COL22A1: variants seen among roughly 807,000 people sequenced by gnomAD.
COL22A1 encodes the protein collagen alpha-1(XXII) chain.
Under a neutral mutation model 248.9 loss-of-function variants are expected in COL22A1, and 221 were observed. That is an observed-to-expected ratio of 0.89 (90% CI 0.80 to 0.99). The LOEUF (loss-of-function observed/expected upper bound fraction) is 0.99. Ranked by LOEUF, COL22A1 falls within the 50% of genes least tolerant of loss-of-function variation. The pLI is 0.00. For missense variants in COL22A1, 2,240 were observed against 2,179.0 expected (o/e 1.03, Z -0.56); for synonymous variants, 891 against 793.4 (o/e 1.12, Z -2.07).
At chr8:138,825,824 G>A (rs190819938) in intron 6 of COL22A1, 25 of 152,210 alleles carry the variant, frequency 1.6e-4, no homozygotes, top group Non-Finnish European at 3.7e-4. Context: ...TTTACTAGGA[G>A]AGGAGAAAGA....
chr8:138,742,277 G>A (rs1039013615), intron 22 of COL22A1, among the ~76,000 whole-genome samples: 1 of 151,184 alleles, frequency 6.6e-6, no homozygotes, highest in Non-Finnish European at 1.5e-5. Flanking sequence ...GATGGTGATG[G>A]AGTTGATGGT....
chr8:138,750,757 C>T (rs17676060), intron 22 of COL22A1, among the ~76,000 whole-genome samples: 18,897 of 152,168 alleles, frequency 0.12, 1,285 homozygotes, highest in Non-Finnish European at 0.16. Flanking sequence ...ACAAGCTTAA[C>T]GGTTACAGTT....
chr8:138,656,291 C>T (rs904535084), intron 44 of COL22A1, among the ~76,000 whole-genome samples: 32 of 152,124 alleles, frequency 2.1e-4, no homozygotes, highest in African/African-American at 7.2e-4. Flanking sequence ...GGAGGCAAAG[C>T]GGCAAACTGT....
chr8:138,632,357 T>C (rs1386230251), intron 49 of COL22A1, among the ~76,000 whole-genome samples: 6 of 152,142 alleles, frequency 3.9e-5, no homozygotes, highest in African/African-American at 1.4e-4. Context: ...ACATGGGTTG[T>C]TGAGAAAATG....
chr8:138,811,278 C>T (rs76480035), intron 9 of COL22A1, among the ~76,000 whole-genome samples: 100,102 of 146,202 alleles, frequency 0.68, 34,590 homozygotes, highest in Non-Finnish European at 0.76. Context: ...TATATACACA[C>T]ACACACACAC....
chr8:138,735,715 G>A (rs141561109), intron 23 of COL22A1, among the ~76,000 whole-genome samples: 3 of 152,172 alleles, frequency 2.0e-5, no homozygotes, highest in African/African-American at 4.8e-5. Flanking sequence ...ATGATGGATC[G>A]TATATTCTTA....
chr8:138,702,942 C>T lies in COL22A1; in HGVS notation c.2559+364G>A, dbSNP rs184782729. On this transcript the variant is annotated intron_variant, in intron 31 of 64. Transcript: ENST00000303045. ...CCAACTCACCATGCCCACCCTAACA[C>T]GTATAGAGGGCCAATGAATGAAGCC... Among the ~76,000 whole-genome samples the T allele has an allele frequency of 9.2e-5, 14 of 152,260 alleles. No individual in the cohort carries two copies. The South Asian group carries it at 1.2e-3, about 14-fold the overall frequency.
intron 21 of COL22A1, 149 bp from the exon 22 acceptor site, chr8:138,751,660 C>G: frequency 1.9e-6 from 1 of 523,432 alleles, no homozygotes; most frequent in Non-Finnish European, 3.4e-6. Context: ...CCCATTCTCT[C>G]AAACCTATAA....
intron 2 of COL22A1, among the ~76,000 whole-genome samples, chr8:138,880,040 A>G (rs139618571): frequency 6.6e-6 from 1 of 152,306 alleles, no homozygotes; most frequent in East Asian, 1.9e-4. Context: ...CCAATTCCAA[A>G]CTTAGTGATT....
chr8:138,703,231 G>A (rs1828110660), intron 31 of COL22A1, 75 bp downstream of exon 31: 2 of 1,281,466 alleles, frequency 1.6e-6, no homozygotes, highest in African/African-American at 1.5e-5. Context: ...CTAAGTAGTG[G>A]CAGTTGCTGG....
chr8:138,711,967 T>C (rs1185551029), intron 30 of COL22A1, among the ~76,000 whole-genome samples: 1 of 152,184 alleles, frequency 6.6e-6, no homozygotes, highest in African/African-American at 2.4e-5. Context: ...CACAAGCAAC[T>C]TAGCTTTTCT....
In COL22A1 at chr8:138,833,135, T is replaced by A. The variant is rs1563823400; in HGVS notation, c.749A>T (p.Asp250Val). ...CAAGATTTCCTTCACACTGAACAAATCCATCAGGTCAAAACCTGTACAAAG... is the reference window on the plus strand; with the variant it reads ...CAAGATTTCCTTCACACTGAACAAAACCATCAGGTCAAAACCTGTACAAAG... Reference protein sequence around the residue: ...TKEITGFDLMDLFSVKEILGK... With the variant: ...TKEITGFDLMVLFSVKEILGK... Residue 250 changes from aspartate to valine, a missense_variant, in exon 5 of 65, where the codon GAT becomes GTT. Physicochemically the swap from Asp to Val is radical, Grantham distance 152. Coordinates refer to ENST00000303045, the MANE Select transcript of COL22A1 (RefSeq NM_152888.3). 6.2e-7 allele frequency: 1 copy of A among 1,612,228 alleles called. No homozygotes were observed. Among genetic ancestry groups the A allele is most frequent in the Non-Finnish European group, 8.5e-7 (1 of 1,178,276 alleles).
At chr8:138,689,140 C>G (rs1281600745) in intron 36 of COL22A1, among the ~76,000 whole-genome samples, 170 bp from the exon 37 acceptor site, 1 of 141,792 alleles carries the variant, frequency 7.1e-6, no homozygotes. Flanking sequence ...TCCTCCCTGC[C>G]CATGACTGCT....
chr8:138,778,636 C>T (rs1814691617), intron 14 of COL22A1, among the ~76,000 whole-genome samples: 1 of 152,216 alleles, frequency 6.6e-6, no homozygotes, highest in South Asian at 2.1e-4. Flanking sequence ...CCCTGATTCA[C>T]ACCCAGATTC....
chr8:138,872,304 C>T (rs528640480), intron 3 of COL22A1, among the ~76,000 whole-genome samples: 1 of 152,160 alleles, frequency 6.6e-6, no homozygotes, highest in Non-Finnish European at 1.5e-5. Context: ...GGGATGACCA[C>T]ACATCCGGAG....
intron 16 of COL22A1, among the ~76,000 whole-genome samples, chr8:138,774,235 C>T (rs1814169797): frequency 6.6e-6 from 1 of 152,098 alleles, no homozygotes; most frequent in Non-Finnish European, 1.5e-5. Flanking sequence ...GGGAACGAGG[C>T]CAGTCCCCGC....
At position 138,688,937 on chromosome 8, in the gene COL22A1, C is replaced by A; in HGVS notation, c.2842G>T (p.Asp948Tyr). ...CTTACCTTCTCACCACGCTCCCCATCTTTCCCTGGGGTGCCTCTGAGGCCG... is the reference window on the plus strand; with the variant it reads ...CTTACCTTCTCACCACGCTCCCCATATTTCCCTGGGGTGCCTCTGAGGCCG... ...APGLRGTPGKDGERGEKGAAG... is the reference protein window; with the variant it reads ...APGLRGTPGKYGERGEKGAAG... Residue 948 changes from aspartate (D) to tyrosine (Y), a missense_variant, in exon 37 of 65, where the codon GAT (aspartate) becomes TAT (tyrosine). Coordinates refer to ENST00000303045, the MANE Select transcript of COL22A1 (RefSeq NM_152888.3). 6.2e-7 allele frequency: 1 copy of A among 1,613,558 alleles called. No homozygotes were observed. Among genetic ancestry groups the A allele is most frequent in the Non-Finnish European group, 8.5e-7 (1 of 1,179,502 alleles).
intron 3 of COL22A1, among the ~76,000 whole-genome samples, chr8:138,874,307 C>T (rs1293711440): frequency 6.6e-6 from 1 of 152,126 alleles, no homozygotes; most frequent in Non-Finnish European, 1.5e-5. Flanking sequence ...CTTTTCTTGA[C>T]GTGATCAGGG....
chr8:138,607,920 G>A lies in COL22A1; in HGVS notation c.4032+16C>T, dbSNP rs776535309. Reference sequence around the variant, plus strand: ...CCCACCCTGATGCCATCACATAGCAGCCAAAGAGAACTCACAGGGGTTCCT... The same window carrying A: ...CCCACCCTGATGCCATCACATAGCAACCAAAGAGAACTCACAGGGGTTCCT... On this transcript the variant is annotated intron_variant, in intron 57 of 64. Coordinates refer to ENST00000303045, the MANE Select transcript of COL22A1 (RefSeq NM_152888.3). 1 of 1,613,290 alleles carries A rather than the reference G, an allele frequency of 6.2e-7. No individual in the cohort carries two copies. The highest frequency in any genetic ancestry group is 8.5e-7 in the Non-Finnish European group (1 of 1,179,370).
Sources: gnomAD v4.1 joint callset for allele counts (sites outside exome capture counted in the v4.1 genomes callset) on GRCh38, gnomAD v4.1.1 for gene constraint, MANE v1.5 for transcripts, NCBI Gene and HGNC (gene_info 2026-07-23, HGNC 2026-07-21) for gene names.